Variants in EXOC6B observed in about 807,000 individuals in gnomAD.
The protein encoded by EXOC6B is exocyst complex component 6B, also known as SEC15 homolog B.
A neutral mutation model predicts 113.5 loss-of-function variants in EXOC6B; 54 were observed. The observed-to-expected ratio is 0.48, with a 90% CI of 0.38 to 0.60. The LOEUF is 0.60. Among genes scored for constraint, EXOC6B ranks in the 20% least tolerant of loss-of-function variants. The pLI is 0.00. For synonymous variants in EXOC6B, 357 were observed against 339.0 expected, an observed-to-expected ratio of 1.05 and a Z score of -0.58; for missense variants, 797 against 977.5, an observed-to-expected ratio of 0.82 and a Z score of 2.46.
intron 6 of EXOC6B, among the ~76,000 whole-genome samples, chr2:72,665,239 G>A (rs1675306503): frequency 6.6e-6 from 1 of 152,272 alleles, no homozygotes; most frequent in South Asian, 2.1e-4. Context: ...CCTGGTGAAA[G>A]AGTCATCTCT....
At chr2:72,407,553 G>C (rs183262949) in intron 18 of EXOC6B, among the ~76,000 whole-genome samples, 94 of 152,274 alleles carry the variant, frequency 6.2e-4, no homozygotes, top group Admixed American at 1.0e-3. Flanking sequence ...TGCAAGGCTG[G>C]TTCAACATAT....
intron 6 of EXOC6B, among the ~76,000 whole-genome samples, chr2:72,623,782 G>A (rs940806586): frequency 3.9e-5 from 6 of 152,080 alleles, no homozygotes; most frequent in African/African-American, 1.4e-4. Flanking sequence ...TACTCTTACA[G>A]CCTCCACATC....
At chr2:72,633,111 T>A (rs1672583535) in intron 6 of EXOC6B, among the ~76,000 whole-genome samples, 1 of 152,232 alleles carries the variant, frequency 6.6e-6, no homozygotes, top group South Asian at 2.1e-4. Flanking sequence ...TTCTGACTCT[T>A]TTTACCACTC....
chr2:72,730,473 C>T (rs1257108413), intron 5 of EXOC6B, among the ~76,000 whole-genome samples: 1 of 152,076 alleles, frequency 6.6e-6, no homozygotes, highest in Non-Finnish European at 1.5e-5. Flanking sequence ...TGGACTCTAG[C>T]TTGCTGGACT....
chr2:72,226,529 A>G (rs1681252025), intron 20 of EXOC6B, among the ~76,000 whole-genome samples: 1 of 152,230 alleles, frequency 6.6e-6, no homozygotes, highest in South Asian at 2.1e-4. Context: ...AGCACCATCC[A>G]CACAAGGAAC....
At chr2:72,423,232 G>A (rs1468509056) in intron 18 of EXOC6B, among the ~76,000 whole-genome samples, 1 of 151,772 alleles carries the variant, frequency 6.6e-6, no homozygotes, top group Non-Finnish European at 1.5e-5. Context: ...GAGCCAGCGA[G>A]ACCACGAACC....
chr2:72,187,123 G>C (rs998034858), intron 20 of EXOC6B, among the ~76,000 whole-genome samples: 11 of 152,152 alleles, frequency 7.2e-5, no homozygotes, highest in Admixed American at 6.5e-4. Flanking sequence ...TTCTCTGTGA[G>C]AATGCAGCTG....
intron 1 of EXOC6B, among the ~76,000 whole-genome samples, chr2:72,815,214 G>T (rs1289740109): frequency 2.6e-5 from 4 of 152,104 alleles, no homozygotes; most frequent in Admixed American, 1.3e-4. Flanking sequence ...ATCCGGGCCG[G>T]GTGCGGTGGC....
intron 18 of EXOC6B, among the ~76,000 whole-genome samples, chr2:72,457,394 C>G (rs1170989563): frequency 6.6e-6 from 1 of 151,922 alleles, no homozygotes; most frequent in Non-Finnish European, 1.5e-5. Flanking sequence ...GAAAGTAAGG[C>G]CAGGGATAGG....
chr2:72,813,168 C>T (rs762797020), intron 1 of EXOC6B, among the ~76,000 whole-genome samples: 2 of 152,198 alleles, frequency 1.3e-5, no homozygotes, highest in African/African-American at 4.8e-5. Flanking sequence ...TGGCTCACTG[C>T]AGCCTCAACC....
At position 72,513,195 on chromosome 2, in the gene EXOC6B, G is replaced by C; in HGVS notation, c.1104C>G (p.Ala368=). 1.2e-6 allele frequency: 2 copies of C among 1,613,332 alleles called. No individual in the cohort carries two copies. Among genetic ancestry groups the C allele is most frequent in the Non-Finnish European group, 1.7e-6 (2 of 1,179,436 alleles). Residue 368 remains alanine, a synonymous_variant, in exon 11 of 22, where the codon GCC becomes GCG. Transcript: ENST00000272427. ...LHTTQGLVNR[A]YIDELWEMAL... is the part of the protein sequence containing the mutation. ...CCATTTCCCACAGTTCATCAATGTA[G>C]GCTCTATTTACTAAGCCCTGGGTTG...
At chr2:72,631,695 G>T (rs931629589) in intron 6 of EXOC6B, among the ~76,000 whole-genome samples, 1 of 151,674 alleles carries the variant, frequency 6.6e-6, no homozygotes, top group Non-Finnish European at 1.5e-5. Context: ...GATAGAAATG[G>T]GGTTTCGCCA....
chr2:72,559,637 G>C (rs181368134), intron 7 of EXOC6B, 116 bp from the exon 8 acceptor site: 2 of 703,404 alleles, frequency 2.8e-6, no homozygotes, highest in Admixed American at 6.6e-5. Flanking sequence ...TAGCTTGTAA[G>C]TGAGAAATAC....
chr2:72,233,694 C>T (rs1368889522), intron 20 of EXOC6B, among the ~76,000 whole-genome samples: 1 of 152,176 alleles, frequency 6.6e-6, no homozygotes, highest in African/African-American at 2.4e-5. Context: ...AGTTGTGGCA[C>T]CTGGGAGCAC....
chr2:72,789,732 G>A (rs1359482768), intron 1 of EXOC6B, among the ~76,000 whole-genome samples: 1 of 152,056 alleles, frequency 6.6e-6, no homozygotes, highest in East Asian at 1.9e-4. Flanking sequence ...CTGACATATA[G>A]AGGAAAAATG....
chr2:72,485,558 C>T (rs191686740), intron 16 of EXOC6B, among the ~76,000 whole-genome samples: 6 of 152,322 alleles, frequency 3.9e-5, no homozygotes, highest in Admixed American at 3.3e-4. Flanking sequence ...GTGTCAACCA[C>T]TCATTTTATA....
chr2:72,497,174 A>G (rs1254819851), intron 13 of EXOC6B, among the ~76,000 whole-genome samples: 4 of 151,712 alleles, frequency 2.6e-5, no homozygotes, highest in East Asian at 3.9e-4. Flanking sequence ...TAATCTTGCT[A>G]TGTTGTCCAG....
At chr2:72,351,383 GTGAAATAAATACC>G (rs1689646557) in intron 19 of EXOC6B, among the ~76,000 whole-genome samples, 1 of 152,164 alleles carries the variant, frequency 6.6e-6, no homozygotes, top group Admixed American at 6.5e-5. Context: ...CTCAGAGGAA[GTGAAATAAATACC>G]TTGTTTCTTC....
At position 72,683,940 on chromosome 2, in the gene EXOC6B, T is replaced by C. The variant is rs573155302; in HGVS notation, c.669+34163A>G. On this transcript the variant is annotated intron_variant, in intron 6 of 21. Coordinates refer to ENST00000272427, the MANE Select transcript of EXOC6B (RefSeq NM_015189.3). ...AGGCCACTGCAATTTACTTACTTACTTATTTATTTGAGACAGAGTATTGCT... is the reference window on the plus strand; with the variant it reads ...AGGCCACTGCAATTTACTTACTTACCTATTTATTTGAGACAGAGTATTGCT... Among the ~76,000 whole-genome samples the C allele has an allele frequency of 9.2e-5, 14 of 152,304 alleles. No individual in the cohort carries two copies. The South Asian group carries it at 1.0e-3, about 11-fold the overall frequency.
Sources: gnomAD v4.1 joint callset for allele counts (sites outside exome capture counted in the v4.1 genomes callset) on GRCh38, gnomAD v4.1.1 for gene constraint, MANE v1.5 for transcripts, NCBI Gene and HGNC (gene_info 2026-07-23, HGNC 2026-07-21) for gene names.